The following CNTN3 variants were observed in gnomAD, a reference collection of about 807,000 sequenced individuals.
The protein encoded by CNTN3 is contactin 3.
In CNTN3, 60 loss-of-function variants were observed where a neutral mutation model predicts 119.1. That is an observed-to-expected ratio of 0.50 (90% CI 0.41 to 0.62). The LOEUF (loss-of-function observed/expected upper bound fraction) is 0.62. Ranked by LOEUF, CNTN3 falls within the 20% of genes least tolerant of loss-of-function variation. CNTN3 has a pLI of 0.00. For synonymous variants in CNTN3, 450 were observed against 438.7 expected (o/e 1.03, Z -0.32); for missense variants, 1,101 against 1,242.4 (o/e 0.89, Z 1.71).
At chr3:74,341,675 A>C (rs1438485163) in intron 11 of CNTN3, among the ~76,000 whole-genome samples, 2 of 152,110 alleles carry the variant, frequency 1.3e-5, no homozygotes, top group Middle Eastern at 3.2e-3. Context: ...TCATGTTGTA[A>C]TTATAGTGAT....
chr3:74,323,263 T>G (rs1401216927), intron 13 of CNTN3, among the ~76,000 whole-genome samples: 1 of 152,190 alleles, frequency 6.6e-6, no homozygotes, highest in Admixed American at 6.5e-5. Context: ...GGGTACTTTC[T>G]GTACTTTCAG....
intron 11 of CNTN3, among the ~76,000 whole-genome samples, chr3:74,351,005 T>C (rs1268077481): frequency 2.6e-5 from 4 of 151,758 alleles, no homozygotes; most frequent in Admixed American, 2.6e-4. Flanking sequence ...GGGTGATGGG[T>C]TCAATAGAGG....
chr3:74,387,075 T>C lies in CNTN3; in HGVS notation c.455-15676A>G, dbSNP rs192040160. 1.6e-4 allele frequency among the ~76,000 whole-genome samples: 24 copies of C among 152,348 alleles called. No homozygotes were observed. The East Asian group carries it at 3.9e-3, about 24-fold the overall frequency. ...GCAAGCAGGTGTCAAACAAGTTTAC[T>C]GTGCTTTGTTGACAGTAAGAAACTC... is the stretch of plus-strand genomic sequence containing the variant. On this transcript the variant is annotated intron_variant, in intron 5 of 22. Transcript: ENST00000263665.
At chr3:74,290,251 C>A (rs999190610) in intron 19 of CNTN3, among the ~76,000 whole-genome samples, 2 of 152,178 alleles carry the variant, frequency 1.3e-5, no homozygotes, top group Non-Finnish European at 2.9e-5. Flanking sequence ...TGCTCCTAGG[C>A]TATAAACCTG....
Position 74,504,818 on chromosome 3 carries a change from T to C in CNTN3, c.56-5033A>G, listed in dbSNP as rs938976591. ...TGGGAAGAAGGGTAGCCAGGGGAGA[T>C]TGGCTTATGAGACCACTAAAAGCCC... is the stretch of plus-strand genomic sequence containing the variant. On this transcript the variant is annotated intron_variant, in intron 2 of 22. Transcript: ENST00000263665. 5.3e-5 allele frequency among the ~76,000 whole-genome samples: 8 copies of C among 152,168 alleles called. No homozygotes were observed. In the South Asian group the frequency reaches 1.0e-3, roughly 20 times the overall value.
At chr3:74,366,604 A>G (rs906992988) in intron 8 of CNTN3, among the ~76,000 whole-genome samples, 2 of 151,710 alleles carry the variant, frequency 1.3e-5, no homozygotes, top group Non-Finnish European at 2.9e-5. Context: ...GAAACAGTTT[A>G]TCTATTTCTA....
intron 1 of CNTN3, among the ~76,000 whole-genome samples, chr3:74,578,405 AG>A (rs1487522139): frequency 1.3e-5 from 2 of 152,104 alleles, no homozygotes; most frequent in African/African-American, 4.8e-5. Context: ...TAATAAGTTA[AG>A]GTGAAATAAG....
chr3:74,387,899 G>T (rs900377690), intron 5 of CNTN3, among the ~76,000 whole-genome samples: 2 of 152,158 alleles, frequency 1.3e-5, no homozygotes. Context: ...GGTAGGAAAA[G>T]AAACTTAATT....
chr3:74,473,083 T>C (rs1172412524), intron 4 of CNTN3, among the ~76,000 whole-genome samples: 1 of 151,160 alleles, frequency 6.6e-6, no homozygotes, highest in Non-Finnish European at 1.5e-5. Context: ...TAAAAAAATA[T>C]AATCTAAGAA....
rs149964439 is a variant in CNTN3 at position 74,319,021 on chromosome 3, C to T, written c.1668+15714G>A. Among the ~76,000 whole-genome samples the T allele has an allele frequency of 4.6e-3, 699 of 152,238 alleles. 5 individuals are homozygous for T. The highest frequency in any genetic ancestry group is 0.016 in the African/African-American group (659 of 41,538). On this transcript the variant is annotated intron_variant, in intron 13 of 22. Coordinates refer to ENST00000263665, the MANE Select transcript of CNTN3 (RefSeq NM_020872.3). ...CTGCTCAATGAAATAAAAGAGAATA[C>T]AAACAAATGGAAGAACATTCCTTGC... is the stretch of plus-strand genomic sequence containing the variant.
intron 1 of CNTN3, among the ~76,000 whole-genome samples, chr3:74,547,351 T>C (rs1686562311): frequency 6.6e-6 from 1 of 152,226 alleles, no homozygotes. Context: ...CCTTTTCCAA[T>C]GTTTCGATAG....
chr3:74,301,312 C>A (rs1004791077), intron 16 of CNTN3, 86 bp downstream of exon 16: 3 of 1,344,798 alleles, frequency 2.2e-6, no homozygotes, highest in African/African-American at 2.9e-5. Flanking sequence ...TGAGGCTGAC[C>A]CCCTGCTGGC....
intron 2 of CNTN3, among the ~76,000 whole-genome samples, chr3:74,501,113 C>T (rs1703159090): frequency 6.6e-6 from 1 of 151,756 alleles, no homozygotes; most frequent in African/African-American, 2.4e-5. Flanking sequence ...ATTGAAATGT[C>T]TGTTTAGGAT....
chr3:74,486,459 CA>C lies in CNTN3; in HGVS notation c.354del (p.Phe118LeufsTer11), dbSNP rs1392177067. On this transcript the variant is annotated frameshift_variant, in exon 4 of 23. Coordinates refer to ENST00000263665, the MANE Select transcript of CNTN3 (RefSeq NM_020872.3). LOFTEE classifies it high-confidence loss of function. ...TIVSREAKLQFAYLENFKTKM... is the reference protein window; with the variant it reads ...TIVSREAKLQXAYLENFKTKM... ...AGACATGTGAACATAAACTTACAGG[CA>C]AACTGAAGTTTGGCTTCTCTGCTGA... 2.5e-6 allele frequency: 4 copies of C among 1,597,660 alleles called. No individual in the cohort carries two copies. Among genetic ancestry groups the C allele is most frequent in the Non-Finnish European group, 3.4e-6 (4 of 1,176,132 alleles).
chr3:74,393,588 T>C (rs1472184833), intron 5 of CNTN3, among the ~76,000 whole-genome samples: 1 of 152,136 alleles, frequency 6.6e-6, no homozygotes, highest in African/African-American at 2.4e-5. Context: ...ATAAGGGAGT[T>C]CCAGGCTGTG....
chr3:74,536,018 A>T (rs942232552), intron 1 of CNTN3, among the ~76,000 whole-genome samples: 8 of 152,134 alleles, frequency 5.3e-5, no homozygotes, highest in Non-Finnish European at 8.8e-5. Flanking sequence ...CAGGAATAAA[A>T]TTTTTTAAAA....
intron 19 of CNTN3, among the ~76,000 whole-genome samples, chr3:74,286,685 C>T (rs559607360): frequency 4.6e-5 from 7 of 152,106 alleles, no homozygotes; most frequent in Admixed American, 6.5e-5. Context: ...ACTGAAGAAA[C>T]GCAGCAATTT....
chr3:74,381,566 T>C (rs992852250), intron 5 of CNTN3, among the ~76,000 whole-genome samples: 6 of 152,104 alleles, frequency 3.9e-5, no homozygotes, highest in Admixed American at 2.6e-4. Context: ...AGAAAAGTGA[T>C]AGAAAAGAGT....
At chr3:74,270,211 T>G (rs1378363311) in intron 20 of CNTN3, among the ~76,000 whole-genome samples, 1 of 152,170 alleles carries the variant, frequency 6.6e-6, no homozygotes, top group African/African-American at 2.4e-5. Flanking sequence ...TAATTCTCCT[T>G]CTCATTGGCA....
Sources: gnomAD v4.1 joint callset for allele counts (sites outside exome capture counted in the v4.1 genomes callset) on GRCh38, gnomAD v4.1.1 for gene constraint, MANE v1.5 for transcripts, NCBI Gene and HGNC (gene_info 2026-07-23, HGNC 2026-07-21) for gene names.